MYO18B: variants seen among roughly 807,000 people sequenced by gnomAD.
The protein encoded by MYO18B is unconventional myosin-XVIIIb.
Under a neutral mutation model 273.0 loss-of-function variants are expected in MYO18B, and 204 were observed. That is an observed-to-expected ratio of 0.75 (90% CI 0.67 to 0.84). MYO18B has a LOEUF of 0.84. Ranked by LOEUF, MYO18B falls within the 40% of genes least tolerant of loss-of-function variation. MYO18B has a pLI of 0.00. For missense variants in MYO18B, 3,212 were observed against 3,287.6 expected, an observed-to-expected ratio of 0.98 and a Z score of 0.56; for synonymous variants, 1,330 against 1,305.7, an observed-to-expected ratio of 1.02 and a Z score of -0.40.
downstream of MYO18B, among the ~76,000 whole-genome samples, chr22:26,031,494 C>T (rs1373187968): frequency 6.6e-6 from 1 of 152,148 alleles, no homozygotes; most frequent in Non-Finnish European, 1.5e-5. Flanking sequence ...TCCAGATTTC[C>T]CCATTTTATA....
At chr22:26,053,367 C>A in the MYO18B span, among the ~76,000 whole-genome samples, 1 of 152,080 alleles carries the variant, frequency 6.6e-6, no homozygotes, top group African/African-American at 2.4e-5. Flanking sequence ...TATTACTATA[C>A]CTATTTTACA....
At chr22:26,046,137 G>A in the MYO18B span, among the ~76,000 whole-genome samples, 5 of 152,152 alleles carry the variant, frequency 3.3e-5, no homozygotes, top group African/African-American at 4.8e-5. Context: ...CACAATTGTG[G>A]CGTCCCAGCA....
chr22:25,778,650 A>G (rs1002623389), intron 8 of MYO18B, among the ~76,000 whole-genome samples: 1 of 151,346 alleles, frequency 6.6e-6, no homozygotes, highest in Non-Finnish European at 1.5e-5. Context: ...TGGCTATTTT[A>G]TTTTTATTTT....
rs925574537 is a variant in MYO18B at position 25,946,179 on chromosome 22, C to T, written c.5560C>T (p.Gln1854Ter). Residue 1854 changes from glutamine (Q) to a stop codon, truncating the protein, a stop_gained, in exon 35 of 44, where the codon CAG (glutamine) becomes TAG (stop). Coordinates refer to ENST00000335473, the MANE Select transcript of MYO18B (RefSeq NM_032608.7). LOFTEE classifies it high-confidence loss of function. ...CAAGTGTGAGGAGGCCTTGAAGACG[C>T]AGAAGGTGCTCACAGCGGACCTGGA... The part of the protein sequence containing the change: ...EAKCEEALKT[Q>*]KVLTADLESM... 1.9e-6 allele frequency: 3 copies of T among 1,580,410 alleles called. No individual in the cohort carries two copies. Among genetic ancestry groups the T allele is most frequent in the Non-Finnish European group, 2.6e-6 (3 of 1,166,158 alleles).
chr22:25,898,293 T>G lies in MYO18B; in HGVS notation c.4669-14T>G, dbSNP rs777678215. 7 of 1,610,292 alleles carry G rather than the reference T, an allele frequency of 4.3e-6. No homozygotes were observed. The Admixed American group carries it at 5.1e-5, about 12-fold the overall frequency. ...GCCCACAGAGCCGGGTAATTCATTC[T>G]ATTACTCTTACAGCTTGGGGAGTTG... On this transcript the variant is annotated splice_polypyrimidine_tract_variant and intron_variant, in intron 28 of 43. Transcript: ENST00000335473.
At chr22:25,986,568 G>A (rs6004874) in intron 39 of MYO18B, among the ~76,000 whole-genome samples, 80,748 of 152,094 alleles carry the variant, frequency 0.53, 22,432 homozygotes, top group Non-Finnish European at 0.6. Context: ...TGCAAGAAAT[G>A]TATCTAAATA....
chr22:25,807,800 A>G (rs549995265), intron 12 of MYO18B, among the ~76,000 whole-genome samples: 5 of 151,990 alleles, frequency 3.3e-5, no homozygotes, highest in Admixed American at 1.3e-4. Flanking sequence ...GACGTATAGG[A>G]TGGGAGCTAT....
At chr22:25,936,030 C>T (rs1286079786) in intron 34 of MYO18B, among the ~76,000 whole-genome samples, 1 of 152,168 alleles carries the variant, frequency 6.6e-6, no homozygotes, top group Non-Finnish European at 1.5e-5. Flanking sequence ...TGTCAGGACC[C>T]AGAGTTGAAC....
At chr22:25,945,354 T>C (rs1398618634) in intron 34 of MYO18B, among the ~76,000 whole-genome samples, 2 of 151,970 alleles carry the variant, frequency 1.3e-5, no homozygotes, top group Non-Finnish European at 1.5e-5. Context: ...AGGTTGTCAT[T>C]AGCTGTTCTT....
chr22:25,845,803 G>T (rs1204203887), intron 18 of MYO18B, among the ~76,000 whole-genome samples: 1 of 152,214 alleles, frequency 6.6e-6, no homozygotes, highest in Non-Finnish European at 1.5e-5. Flanking sequence ...CATTGCTGTA[G>T]GTATGTAAGT....
chr22:25,829,752 C>T (rs530230340), intron 15 of MYO18B, among the ~76,000 whole-genome samples: 17 of 152,136 alleles, frequency 1.1e-4, no homozygotes, highest in Admixed American at 7.9e-4. Flanking sequence ...GCAGGAGAAT[C>T]GCTTGAACCC....
intron 1 of MYO18B, among the ~76,000 whole-genome samples, chr22:25,759,135 A>G (rs1335052231): frequency 2.0e-5 from 3 of 152,204 alleles, no homozygotes; most frequent in Non-Finnish European, 4.4e-5. Flanking sequence ...GTTGAAACTT[A>G]GCTGAATGTT....
intron 39 of MYO18B, among the ~76,000 whole-genome samples, chr22:25,973,487 T>G (rs769591012): frequency 2.0e-5 from 3 of 152,254 alleles, no homozygotes; most frequent in Non-Finnish European, 4.4e-5. Context: ...TGAAGTGCCA[T>G]AATTTCTCTG....
At chr22:25,848,332 G>C (rs559903449) in intron 20 of MYO18B, among the ~76,000 whole-genome samples, 1 of 152,154 alleles carries the variant, frequency 6.6e-6, no homozygotes, top group African/African-American at 2.4e-5. Context: ...TGGGAGTTTG[G>C]GGAAAGCTCA....
chr22:25,742,809 G>A (rs1358258853), intron 1 of MYO18B, among the ~76,000 whole-genome samples: 1 of 152,210 alleles, frequency 6.6e-6, no homozygotes, highest in Non-Finnish European at 1.5e-5. Flanking sequence ...GAGTGTTGGG[G>A]GAAGGGCAAT....
intron 39 of MYO18B, among the ~76,000 whole-genome samples, chr22:25,962,201 C>T (rs1270713068): frequency 6.6e-6 from 1 of 152,212 alleles, no homozygotes; most frequent in Non-Finnish European, 1.5e-5. Context: ...ATCCTGCTGC[C>T]TGCCTATGCA....
rs1006034247 is a variant in MYO18B, at chr22:25,898,375, C to A, written c.4737C>A (p.His1579Gln). 6.2e-7 allele frequency: 1 copy of A among 1,613,822 alleles called. No homozygotes were observed. Among genetic ancestry groups the A allele is most frequent in the African/African-American group, 1.3e-5 (1 of 74,912 alleles). Residue 1579 changes from histidine (H) to glutamine (Q), a missense_variant, in exon 29 of 44, where the codon CAC (histidine) becomes CAA (glutamine). By Grantham distance (24) the His-to-Gln change is conservative. Transcript: ENST00000335473. Reference protein sequence around the residue: ...KMAHQLKRKCHHLTCDLEDTC... With the variant: ...KMAHQLKRKCQHLTCDLEDTC... ...CTCACCAACTGAAGAGGAAGTGCCA[C>A]CATCTTACCTGTGACCTTGAGGATA...
At chr22:25,788,521 G>T (rs1424118003) in intron 11 of MYO18B, among the ~76,000 whole-genome samples, 1 of 152,322 alleles carries the variant, frequency 6.6e-6, no homozygotes, top group East Asian at 1.9e-4. Flanking sequence ...ACCACAAGCT[G>T]GTCCTGGAGT....
chr22:25,890,757 T>A lies in MYO18B; in HGVS notation c.4316T>A (p.Ile1439Asn), dbSNP rs749669837. 3.7e-6 allele frequency: 6 copies of A among 1,613,732 alleles called. No homozygotes were observed. The highest frequency in any genetic ancestry group is 1.3e-5 in the African/African-American group (1 of 74,908). The change falls in exon 26 of 44, where the codon ATT (isoleucine) becomes AAT (asparagine). Residue 1439 changes from isoleucine to asparagine, a missense_variant and splice_region_variant. Coordinates refer to ENST00000335473, the MANE Select transcript of MYO18B (RefSeq NM_032608.7). ...RQNTDLLESKIADLTSDLADE... is the reference protein window; with the variant it reads ...RQNTDLLESKNADLTSDLADE... ...TGATCACCCCATTCCCCATCTCAGATTGCTGACTTGACCTCTGACCTTGCC... is the reference window on the plus strand; with the variant it reads ...TGATCACCCCATTCCCCATCTCAGAATGCTGACTTGACCTCTGACCTTGCC...
Sources: gnomAD v4.1 joint callset for allele counts (sites outside exome capture counted in the v4.1 genomes callset) on GRCh38, gnomAD v4.1.1 for gene constraint, MANE v1.5 for transcripts, NCBI Gene and HGNC (gene_info 2026-07-23, HGNC 2026-07-21) for gene names.